Variants in LMNTD1 observed in about 807,000 individuals in gnomAD.
LMNTD1 encodes lamin tail domain containing 1.
In LMNTD1, 35 loss-of-function variants were observed where a neutral mutation model predicts 50.9. The observed-to-expected ratio is 0.69, with a 90% confidence interval of 0.53 to 0.91. The LOEUF is 0.91. LMNTD1 is among the 40% of genes least tolerant of loss of function. LMNTD1 has a pLI of 0.00. For synonymous variants in LMNTD1, 153 were observed against 161.9 expected (o/e 0.94, Z 0.42); for missense variants, 470 against 475.5 (o/e 0.99, Z 0.11).
intron 1 of LMNTD1, among the ~76,000 whole-genome samples, chr12:25,636,963 T>C (rs1395610099): frequency 6.9e-6 from 1 of 144,246 alleles, no homozygotes; most frequent in Non-Finnish European, 1.5e-5. Context: ...ATAAGAATGA[T>C]ACAATGGACT....
chr12:25,504,541 AT>A (rs5797136), intron 8 of LMNTD1, among the ~76,000 whole-genome samples: 24,014 of 152,230 alleles, frequency 0.16, 2,303 homozygotes, highest in East Asian at 0.31. Context: ...ACGAAATAAT[AT>A]CCTAGGTGTA....
chr12:25,492,231 T>G (rs144129258), intron 9 of LMNTD1, among the ~76,000 whole-genome samples: 1 of 152,374 alleles, frequency 6.6e-6, no homozygotes, highest in African/African-American at 2.4e-5. Context: ...GAAAATGTTA[T>G]AGCATAGGCT....
intron 1 of LMNTD1, among the ~76,000 whole-genome samples, chr12:25,577,440 T>A (rs1211017270): frequency 6.6e-6 from 1 of 152,218 alleles, no homozygotes. Context: ...TATTTTATTC[T>A]CTTTGAAGCA....
intron 1 of LMNTD1, among the ~76,000 whole-genome samples, chr12:25,604,805 CAT>C (rs1946059446): frequency 6.6e-6 from 1 of 152,168 alleles, no homozygotes; most frequent in African/African-American, 2.4e-5. Flanking sequence ...CTGCAATAAA[CAT>C]ATGTGTGCAT....
intron 4 of LMNTD1, among the ~76,000 whole-genome samples, chr12:25,533,950 C>T (rs953894814): frequency 1.3e-5 from 2 of 152,186 alleles, no homozygotes; most frequent in Non-Finnish European, 2.9e-5. Context: ...ATCATTTTGA[C>T]TCTAGACTTG....
intron 3 of LMNTD1, among the ~76,000 whole-genome samples, chr12:25,548,153 T>C (rs1943543392): frequency 1.3e-5 from 2 of 151,798 alleles, no homozygotes; most frequent in African/African-American, 4.8e-5. Flanking sequence ...GGAAATTTTA[T>C]ACTTGTCATA....
intron 1 of LMNTD1, among the ~76,000 whole-genome samples, chr12:25,575,349 C>G (rs1190211751): frequency 1.3e-5 from 2 of 152,104 alleles, no homozygotes; most frequent in Admixed American, 6.6e-5. Flanking sequence ...TGAAAAACCT[C>G]TAGAAGAGAA....
At chr12:25,570,467 C>T (rs1203665541) in intron 1 of LMNTD1, among the ~76,000 whole-genome samples, 1 of 152,148 alleles carries the variant, frequency 6.6e-6, no homozygotes, top group East Asian at 1.9e-4. Flanking sequence ...TTCAATCAAT[C>T]AACAAATACA....
intron 1 of LMNTD1, among the ~76,000 whole-genome samples, chr12:25,568,612 G>A (rs1008471731): frequency 6.6e-6 from 1 of 152,222 alleles, no homozygotes; most frequent in Non-Finnish European, 1.5e-5. Context: ...CTAGAGTAAA[G>A]AATGGTTTAA....
At chr12:25,608,865 C>T (rs372899420) in intron 1 of LMNTD1, among the ~76,000 whole-genome samples, 3 of 152,146 alleles carry the variant, frequency 2.0e-5, no homozygotes, top group East Asian at 1.9e-4. Context: ...TGAATGTTGC[C>T]CTGCCTTGTT....
chr12:25,484,358 C>T (rs1938544439), intron 9 of LMNTD1, among the ~76,000 whole-genome samples: 1 of 151,870 alleles, frequency 6.6e-6, no homozygotes, highest in East Asian at 1.9e-4. Flanking sequence ...CTTAGCCTTC[C>T]AAAGTGCTGG....
At chr12:25,647,151 ATGTCTACAATAATAATAT>A (rs1208442125) in intron 1 of LMNTD1, among the ~76,000 whole-genome samples, 5 of 152,242 alleles carry the variant, frequency 3.3e-5, no homozygotes, top group Admixed American at 2.0e-4. Context: ...CTATTTAATA[ATGTCTACAATAATAATAT>A]TGTCTACAAT....
chr12:25,616,077 A>G (rs3964324), intron 1 of LMNTD1, among the ~76,000 whole-genome samples: 48,297 of 150,232 alleles, frequency 0.32, 8,997 homozygotes, highest in East Asian at 0.86. Context: ...TCACCCTCCC[A>G]CCCCGACACA....
intron 1 of LMNTD1, among the ~76,000 whole-genome samples, chr12:25,590,568 G>C (rs962301570): frequency 2.0e-5 from 3 of 152,192 alleles, no homozygotes; most frequent in African/African-American, 7.2e-5. Flanking sequence ...AAACCAGCGA[G>C]GTGTCTAAGG....
At chr12:25,490,167 AAGTT>A (rs1938837224) in intron 9 of LMNTD1, among the ~76,000 whole-genome samples, 1 of 152,232 alleles carries the variant, frequency 6.6e-6, no homozygotes. Context: ...CCTGTTTAAA[AAGTT>A]AGCAAGAAAT....
chr12:25,492,419 A>T (rs756572191), intron 9 of LMNTD1, among the ~76,000 whole-genome samples: 1 of 152,200 alleles, frequency 6.6e-6, no homozygotes, highest in Non-Finnish European at 1.5e-5. Flanking sequence ...GTATAGATTG[A>T]TATTGGCTTA....
At chr12:25,618,736 A>G (rs1320074357) in intron 1 of LMNTD1, among the ~76,000 whole-genome samples, 1 of 152,222 alleles carries the variant, frequency 6.6e-6, no homozygotes, top group African/African-American at 2.4e-5. Flanking sequence ...ATAATTTAAT[A>G]ATTGACTTCA....
intron 1 of LMNTD1, among the ~76,000 whole-genome samples, chr12:25,567,736 A>G (rs941083265): frequency 2.0e-5 from 3 of 152,036 alleles, no homozygotes; most frequent in Admixed American, 6.6e-5. Context: ...ACTCTGCATC[A>G]CCTTCCACCA....
At chr12:25,522,063 C>T (rs1240574396) in intron 6 of LMNTD1, among the ~76,000 whole-genome samples, 1 of 152,194 alleles carries the variant, frequency 6.6e-6, no homozygotes, top group Non-Finnish European at 1.5e-5. Context: ...AACCTTTGAA[C>T]ATCCCTCTGC....
Sources: gnomAD v4.1 joint callset for allele counts (sites outside exome capture counted in the v4.1 genomes callset) on GRCh38, gnomAD v4.1.1 for gene constraint, MANE v1.5 for transcripts, NCBI Gene and HGNC (gene_info 2026-07-23, HGNC 2026-07-21) for gene names.